Variants in SGCZ observed in about 807,000 individuals in gnomAD.
SGCZ encodes the protein zeta-sarcoglycan.
Under a neutral mutation model 41.3 loss-of-function variants are expected in SGCZ, and 40 were observed. The observed-to-expected ratio is 0.97, with a 90% CI of 0.75 to 1.26. SGCZ has a LOEUF of 1.26. SGCZ is among the 50% of genes most tolerant of loss of function. The pLI, the probability that SGCZ is intolerant of heterozygous loss-of-function variation, is 0.00. For synonymous variants in SGCZ, 206 were observed against 137.5 expected, an observed-to-expected ratio of 1.50 and a Z score of -3.49; for missense variants, 552 against 369.8, an observed-to-expected ratio of 1.49 and a Z score of -4.04.
intron 2 of SGCZ, among the ~76,000 whole-genome samples, chr8:14,372,731 G>C (rs1423416298): frequency 6.6e-6 from 1 of 152,104 alleles, no homozygotes; most frequent in Non-Finnish European, 1.5e-5. Context: ...CGAAGACTCA[G>C]ATACAGCAGC....
chr8:14,573,900 G>C (rs912233263), intron 1 of SGCZ, among the ~76,000 whole-genome samples: 6 of 152,092 alleles, frequency 3.9e-5, no homozygotes, highest in Non-Finnish European at 1.5e-5. Context: ...GAGAAGGTGA[G>C]TTCCTTTAAG....
intron 1 of SGCZ, among the ~76,000 whole-genome samples, chr8:14,628,999 T>G (rs752301502): frequency 2.0e-5 from 3 of 152,140 alleles, no homozygotes; most frequent in East Asian, 1.9e-4. Context: ...TAACACAGGA[T>G]GTTTGCAAAA....
intron 1 of SGCZ, among the ~76,000 whole-genome samples, chr8:14,611,952 G>A (rs1199484875): frequency 1.3e-5 from 2 of 152,210 alleles, no homozygotes; most frequent in East Asian, 1.9e-4. Flanking sequence ...TAAATATTAT[G>A]TCTTAAAAAT....
chr8:14,474,625 G>C (rs1167650924), intron 2 of SGCZ, among the ~76,000 whole-genome samples: 1 of 152,032 alleles, frequency 6.6e-6, no homozygotes, highest in East Asian at 1.9e-4. Context: ...AAACATACAG[G>C]TCCATTAAAA....
chr8:15,146,775 G>A (rs1378993523), intron 1 of SGCZ, among the ~76,000 whole-genome samples: 3 of 151,982 alleles, frequency 2.0e-5, no homozygotes, highest in African/African-American at 7.3e-5. Flanking sequence ...TTATAAAAGA[G>A]ACTGGCAAAT....
At chr8:14,712,549 T>A (rs997555368) in intron 1 of SGCZ, among the ~76,000 whole-genome samples, 1 of 152,076 alleles carries the variant, frequency 6.6e-6, no homozygotes, top group South Asian at 2.1e-4. Context: ...AGCAAAGTAA[T>A]TCTTTTGGGG....
chr8:14,387,185 C>T (rs1804605846), intron 2 of SGCZ, among the ~76,000 whole-genome samples: 1 of 152,102 alleles, frequency 6.6e-6, no homozygotes, highest in South Asian at 2.1e-4. Context: ...GTAGCTAGGA[C>T]TACATGTGTG....
At chr8:14,188,315 G>C (rs988436610) in intron 4 of SGCZ, among the ~76,000 whole-genome samples, 1 of 152,148 alleles carries the variant, frequency 6.6e-6, no homozygotes, top group Non-Finnish European at 1.5e-5. Flanking sequence ...TTCTTCCTTT[G>C]TGTGATTTAA....
intron 1 of SGCZ, among the ~76,000 whole-genome samples, chr8:15,040,615 C>T (rs1046904310): frequency 6.6e-6 from 1 of 152,100 alleles, no homozygotes. Flanking sequence ...GAGCAAAACT[C>T]TATCTCAAAA....
chr8:14,540,096 T>C (rs1368065766), intron 2 of SGCZ, among the ~76,000 whole-genome samples: 2 of 151,932 alleles, frequency 1.3e-5, no homozygotes, highest in African/African-American at 4.8e-5. Flanking sequence ...AATAAACTAA[T>C]CTATCCTGGC....
chr8:14,230,663 C>G (rs1487241465), intron 4 of SGCZ, among the ~76,000 whole-genome samples: 1 of 151,844 alleles, frequency 6.6e-6, no homozygotes, highest in Non-Finnish European at 1.5e-5. Flanking sequence ...TATGATTGTC[C>G]CCACAATATT....
chr8:14,426,816 G>C (rs745531817), intron 2 of SGCZ, among the ~76,000 whole-genome samples: 1 of 152,122 alleles, frequency 6.6e-6, no homozygotes, highest in African/African-American at 2.4e-5. Context: ...GAGTTGCAAA[G>C]ATTGGAAATA....
intron 6 of SGCZ, among the ~76,000 whole-genome samples, chr8:14,105,356 C>T (rs1329904792): frequency 2.0e-5 from 3 of 151,996 alleles, no homozygotes; most frequent in African/African-American, 4.8e-5. Flanking sequence ...TATTTCTTTT[C>T]TAAAGTCTTT....
intron 1 of SGCZ, among the ~76,000 whole-genome samples, chr8:15,107,928 C>G (rs952831576): frequency 6.6e-6 from 1 of 152,150 alleles, no homozygotes; most frequent in African/African-American, 2.4e-5. Context: ...TAGGCTTGAA[C>G]AAATCATTAT....
chr8:15,154,440 A>T (rs2117025118), intron 1 of SGCZ, among the ~76,000 whole-genome samples: 1 of 152,290 alleles, frequency 6.6e-6, no homozygotes, highest in South Asian at 2.1e-4. Flanking sequence ...GACTCTTATG[A>T]AGGGCTGGAA....
In SGCZ at chr8:14,464,486, A is replaced by ATTT. The variant is rs35544350; in HGVS notation, c.234+90243_234+90245dup. On this transcript the variant is annotated intron_variant, in intron 2 of 7. Coordinates refer to ENST00000382080, the MANE Select transcript of SGCZ (RefSeq NM_139167.4). ...TTCTGATTTTGGAAATTTGAGTGGTATTTTTTTTTTTTTTTTAGTTCATCT... is the reference window on the plus strand; with the variant it reads ...TTCTGATTTTGGAAATTTGAGTGGTATTTTTTTTTTTTTTTTTTTAGTTCATCT... Among the ~76,000 whole-genome samples the ATTT allele has an allele frequency of 9.4e-3, 1,280 of 135,910 alleles. 28 individuals carry two copies. Among genetic ancestry groups the ATTT allele is most frequent in the African/African-American group, 0.031 (1,198 of 38,164 alleles). 89.2% of individuals were successfully genotyped at this position (135,910 alleles called of 152,430 possible). A position where few individuals can be genotyped will look rare whatever the true frequency, so the allele number is the denominator to read the frequency against.
intron 2 of SGCZ, among the ~76,000 whole-genome samples, chr8:14,327,839 G>T (rs143652101): frequency 6.6e-6 from 1 of 152,092 alleles, no homozygotes; most frequent in Non-Finnish European, 1.5e-5. Flanking sequence ...GGAGTGCAGC[G>T]GCGCAATCTT....
At chr8:14,508,897 T>A (rs1802386283) in intron 2 of SGCZ, among the ~76,000 whole-genome samples, 1 of 152,152 alleles carries the variant, frequency 6.6e-6, no homozygotes, top group Non-Finnish European at 1.5e-5. Flanking sequence ...ATTAACTAAA[T>A]GATAATAGAA....
chr8:15,166,048 C>T (rs568952925), intron 1 of SGCZ, among the ~76,000 whole-genome samples: 3 of 152,222 alleles, frequency 2.0e-5, no homozygotes, highest in East Asian at 1.9e-4. Context: ...TTCATAATAT[C>T]GAGTGTTTTA....
Sources: allele counts gnomAD v4.1 joint callset (sites outside exome capture counted in the v4.1 genomes callset), GRCh38; gene constraint gnomAD v4.1.1; transcripts MANE v1.5; gene names NCBI Gene and HGNC (gene_info 2026-07-23, HGNC 2026-07-21).